RUFY1: variants seen among roughly 807,000 people sequenced by gnomAD.
RUFY1 encodes the protein RUN and FYVE domain-containing protein 1.
A neutral mutation model predicts 94.6 loss-of-function variants in RUFY1; 54 were observed. The observed-to-expected ratio is 0.57, with a 90% CI of 0.46 to 0.72. The LOEUF (loss-of-function observed/expected upper bound fraction) is 0.72. Ranked by LOEUF, RUFY1 falls within the 30% of genes least tolerant of loss-of-function variation. The probability of loss-of-function intolerance (pLI) is 0.00; values close to 1 mark genes in which losing one functional copy is unlikely to be tolerated. For missense variants in RUFY1, 883 were observed against 883.9 expected (o/e 1.00, Z 0.01); for synonymous variants, 396 against 347.3 (o/e 1.14, Z -1.56).
At chr5:179,602,093 T>C (rs1459571643) in intron 15 of RUFY1, 107 bp downstream of exon 15, 2 of 872,662 alleles carry the variant, frequency 2.3e-6, no homozygotes, top group African/African-American at 3.3e-5. Context: ...GGTGGGCCAT[T>C]TAGGAGCTCA....
At chr5:179,597,121 C>G (rs1415713386) in intron 13 of RUFY1, among the ~76,000 whole-genome samples, 1 of 152,232 alleles carries the variant, frequency 6.6e-6, no homozygotes, top group East Asian at 1.9e-4. Context: ...GGTGCAGTCT[C>G]AGCTCACTGC....
intron 5 of RUFY1, among the ~76,000 whole-genome samples, chr5:179,576,452 G>A (rs1390161441): frequency 7.9e-5 from 12 of 151,934 alleles, no homozygotes; most frequent in Admixed American, 2.6e-4. Context: ...ATGAAGTCTC[G>A]CTCTGTTGCC....
chr5:179,602,536 G>A (rs1310688954), intron 15 of RUFY1: 1 of 152,818 alleles, frequency 6.5e-6, no homozygotes, highest in Non-Finnish European at 1.5e-5. Context: ...AGTCTAGATA[G>A]GTTGCTGTGG....
At chr5:179,580,266 G>A (rs1341373314) in intron 6 of RUFY1, among the ~76,000 whole-genome samples, 51 of 65,726 alleles carry the variant, frequency 7.8e-4, no homozygotes, top group African/African-American at 1.3e-3. Context: ...TTTTTGAGAC[G>A]GAGTCTCGCT....
At chr5:179,577,264 C>G in intron 6 of RUFY1, 128 bp downstream of exon 6, 2 of 570,898 alleles carry the variant, frequency 3.5e-6, no homozygotes, top group Non-Finnish European at 3.1e-6. Context: ...CTCCGCCTCC[C>G]GGGTTCAAGC....
At position 179,563,639 on chromosome 5, in the gene RUFY1, C is replaced by G. The variant is rs182551318; in HGVS notation, c.602+975C>G. 2.6e-5 allele frequency among the ~76,000 whole-genome samples: 4 copies of G among 152,242 alleles called. No individual in the cohort carries two copies. In the East Asian group the frequency reaches 7.7e-4, roughly 29 times the overall value. Reference sequence around the variant, plus strand: ...CGGCCTACATCGCTTATATTTAAAGCCTTTTGCACCTGCCAAGCTTTCAAA... The same window carrying G: ...CGGCCTACATCGCTTATATTTAAAGGCTTTTGCACCTGCCAAGCTTTCAAA... On this transcript the variant is annotated intron_variant, in intron 3 of 17. Coordinates refer to ENST00000319449, the MANE Select transcript of RUFY1 (RefSeq NM_025158.5).
In RUFY1 at chr5:179,559,585, T is replaced by A. The variant is rs1394136707; in HGVS notation, c.311-440T>A. ...CCCACCAGCTCCGTAGGAGAGGCCT[T>A]GAGCTGGACTCGCCCAATAGGAATG... On this transcript the variant is annotated intron_variant, in intron 1 of 17. Coordinates refer to ENST00000319449, the MANE Select transcript of RUFY1 (RefSeq NM_025158.5). 5.9e-6 allele frequency: 5 copies of A among 854,044 alleles called. No individual in the cohort carries two copies. The East Asian group carries it at 6.1e-4, about 104-fold the overall frequency. The allele number at this position is 854,044 out of a possible 1,614,324, so 52.9% of individuals were successfully genotyped here.
chr5:179,596,443 A>C (rs1461138109), intron 12 of RUFY1, 119 bp from the exon 13 acceptor site: 1 of 1,314,508 alleles, frequency 7.6e-7, no homozygotes, highest in East Asian at 2.3e-5. Context: ...CCACGTGTTA[A>C]AACTCACAAG....
rs375395020 is a variant in RUFY1, at chr5:179,562,135, C to G, written c.485-412C>G. Among the ~76,000 whole-genome samples the G allele has an allele frequency of 2.0e-5, 3 of 151,318 alleles. No individual in the cohort carries two copies. The East Asian group carries it at 6.0e-4, about 30-fold the overall frequency. On this transcript the variant is annotated intron_variant, in intron 2 of 17. Transcript: ENST00000319449. ...GTAAATCAAGAAGGATTAAGCAGGCCGGGCGCTGTGGCTCACGCCTGTTAT... is the reference window on the plus strand; with the variant it reads ...GTAAATCAAGAAGGATTAAGCAGGCGGGGCGCTGTGGCTCACGCCTGTTAT...
chr5:179,591,627 A>G lies in RUFY1; in HGVS notation c.1131A>G (p.Ile377Met). 1.9e-6 allele frequency: 3 copies of G among 1,604,630 alleles called. No homozygotes were observed. Among genetic ancestry groups the G allele is most frequent in the Non-Finnish European group, 2.6e-6 (3 of 1,173,016 alleles). ...CTTGGTGTCCTTGTTTGATACAGAT[A>G]ACAAAACAGGATACCAAAGTTGAGC... ...IRERSEKSVE[I>M]TKQDTKVELE... The change falls in exon 10 of 18, where the codon ATA becomes ATG. Residue 377 changes from isoleucine to methionine, a missense_variant and splice_region_variant. By Grantham distance (10) the Ile-to-Met change is conservative. Transcript: ENST00000319449.
chr5:179,593,780 A>C, intron 11 of RUFY1, 135 bp downstream of exon 11: 1 of 1,351,830 alleles, frequency 7.4e-7, no homozygotes, highest in Non-Finnish European at 9.9e-7. Context: ...AGGACCTATT[A>C]TGATTTTGAT....
chr5:179,595,050 T>C, intron 12 of RUFY1, 87 bp downstream of exon 12: 1 of 999,892 alleles, frequency 1.0e-6, no homozygotes, highest in East Asian at 2.6e-5. Flanking sequence ...CTCTCCAAAG[T>C]GCAGGGGAGA....
At chr5:179,564,108 C>T (rs1024650115) in intron 3 of RUFY1, among the ~76,000 whole-genome samples, 2 of 143,458 alleles carry the variant, frequency 1.4e-5, no homozygotes, top group African/African-American at 5.1e-5. Flanking sequence ...CAGACGGCGT[C>T]CTGATGTTTT....
At chr5:179,563,067 A>G (rs975618157) in intron 3 of RUFY1, 1 of 158,546 alleles carries the variant, frequency 6.3e-6, no homozygotes, top group Non-Finnish European at 1.4e-5. Flanking sequence ...ATTATTTGCC[A>G]TGTCTGGATT....
At chr5:179,565,398 C>CA (rs1287289275) in intron 3 of RUFY1, among the ~76,000 whole-genome samples, 1 of 151,894 alleles carries the variant, frequency 6.6e-6, no homozygotes, top group Admixed American at 6.6e-5. Context: ...AGGCTAGTCT[C>CA]AAACTCTTGA....
intron 2 of RUFY1, among the ~76,000 whole-genome samples, chr5:179,561,678 CTTTTTTTT>C (rs71001004): frequency 0.017 from 1,084 of 64,628 alleles, 5 homozygotes; most frequent in Middle Eastern, 0.069. Context: ...TTTTTTCTTT[CTTTTTTTT>C]TTTTTTTTTT....
chr5:179,609,736 A>T lies in RUFY1; in HGVS notation c.*217A>T, dbSNP rs550149772. 8.3e-6 allele frequency: 4 copies of T among 483,930 alleles called. No homozygotes were observed. The Admixed American group carries it at 1.2e-4, about 14-fold the overall frequency. The allele number at this position is 483,930 out of a possible 1,614,324, so 30.0% of individuals were successfully genotyped here. On this transcript the variant is annotated 3_prime_UTR_variant, in exon 18 of 18. Transcript: ENST00000319449. ...TCCTCTGGATGGAAACTTCCATCTT[A>T]CTTGGTTACATCACGGCTCTGGTTC...
In RUFY1 at chr5:179,564,747, TGTAACACATGAAA is replaced by T. The variant is rs571066809; in HGVS notation, c.602+2084_602+2096del. ...CCTTACATACATTTTATCCTACACA[TGTAACACATGAAA>T]ATGACACATGTACAGAATGATCTAT... On this transcript the variant is annotated intron_variant, in intron 3 of 17. Coordinates refer to ENST00000319449, the MANE Select transcript of RUFY1 (RefSeq NM_025158.5). 2.0e-5 allele frequency among the ~76,000 whole-genome samples: 3 copies of T among 149,824 alleles called. No homozygotes were observed. In the East Asian group the frequency reaches 5.8e-4, roughly 29 times the overall value.
At chr5:179,583,631 T>G (rs1764349358) in intron 7 of RUFY1, among the ~76,000 whole-genome samples, 1 of 151,368 alleles carries the variant, frequency 6.6e-6, no homozygotes, top group Non-Finnish European at 1.5e-5. Flanking sequence ...TTAGCCAGGA[T>G]GGTCTCGATC....
Sources: gnomAD v4.1 joint callset for allele counts (sites outside exome capture counted in the v4.1 genomes callset) on GRCh38, gnomAD v4.1.1 for gene constraint, MANE v1.5 for transcripts, NCBI Gene and HGNC (gene_info 2026-07-23, HGNC 2026-07-21) for gene names.